The following TASP1 variants were observed in gnomAD, a reference collection of about 807,000 sequenced individuals.
TASP1 encodes the protein taspase 1.
In TASP1, 16 loss-of-function variants were observed where a neutral mutation model predicts 56.6. The observed-to-expected ratio is 0.28, with a 90% CI of 0.19 to 0.43. TASP1 has a LOEUF of 0.43. Ranked by LOEUF, TASP1 falls within the 20% of genes least tolerant of loss-of-function variation. TASP1 has a pLI of 1.00. For synonymous variants in TASP1, 179 were observed against 184.2 expected (o/e 0.97, Z 0.23); for missense variants, 393 against 511.6 (o/e 0.77, Z 2.24).
chr20:13,179,828 G>A, the TASP1 span, among the ~76,000 whole-genome samples: 8 of 152,218 alleles, frequency 5.3e-5, no homozygotes, highest in East Asian at 1.9e-4. Context: ...CTCCAGATAC[G>A]GTTTTTAGGA....
the TASP1 span, among the ~76,000 whole-genome samples, chr20:13,113,092 A>G: frequency 6.6e-6 from 1 of 152,180 alleles, no homozygotes; most frequent in Admixed American, 6.5e-5. Context: ...CTAAGGCACA[A>G]GAATCACTTG....
chr20:13,374,248 T>C, the TASP1 span, among the ~76,000 whole-genome samples: 1 of 152,190 alleles, frequency 6.6e-6, no homozygotes, highest in East Asian at 1.9e-4. Context: ...TCTGAGGAAG[T>C]TTCTGTTGAC....
the TASP1 span, among the ~76,000 whole-genome samples, chr20:13,181,339 C>T: frequency 6.6e-6 from 1 of 152,178 alleles, no homozygotes; most frequent in Non-Finnish European, 1.5e-5. Context: ...CCTTCCCTGG[C>T]CCCCTTTTCC....
chr20:13,561,694 A>G, intron 7 of TASP1, among the ~76,000 whole-genome samples: 1 of 152,208 alleles, frequency 6.6e-6, no homozygotes. Context: ...AAGAAATTAA[A>G]GCATTAAAAC....
the TASP1 span, among the ~76,000 whole-genome samples, chr20:13,117,906 C>T: frequency 4.6e-5 from 7 of 152,134 alleles, no homozygotes; most frequent in South Asian, 2.1e-4. Context: ...AGCTCTCCCT[C>T]GAATAGTGAA....
At chr20:13,613,096 C>T (rs2048403569) in intron 4 of TASP1, among the ~76,000 whole-genome samples, 1 of 152,084 alleles carries the variant, frequency 6.6e-6, no homozygotes, top group Admixed American at 6.5e-5. Flanking sequence ...CTGTGTTAAC[C>T]TTGTTTTCCA....
chr20:13,260,602 GT>G, the TASP1 span, among the ~76,000 whole-genome samples: 11,921 of 145,036 alleles, frequency 0.082, 531 homozygotes, highest in African/African-American at 0.094. Flanking sequence ...ATAAAGTGGA[GT>G]TTTTTTTTTT....
At chr20:13,491,664 T>C (rs900960331) in intron 10 of TASP1, among the ~76,000 whole-genome samples, 2 of 152,124 alleles carry the variant, frequency 1.3e-5, no homozygotes, top group Admixed American at 1.3e-4. Flanking sequence ...TTCCAAAAGG[T>C]AAAAGTAACA....
chr20:13,428,134 G>A (rs527332529), intron 12 of TASP1, among the ~76,000 whole-genome samples: 58 of 152,198 alleles, frequency 3.8e-4, no homozygotes, highest in African/African-American at 1.1e-3. Flanking sequence ...TTTTCTATAT[G>A]GAATCTGTTT....
chr20:13,336,630 A>T, the TASP1 span, among the ~76,000 whole-genome samples: 1 of 152,204 alleles, frequency 6.6e-6, no homozygotes, highest in Non-Finnish European at 1.5e-5. Context: ...CCATCCTAGA[A>T]AGGAAAAAGC....
At chr20:13,434,770 A>G (rs1306075671) in intron 12 of TASP1, among the ~76,000 whole-genome samples, 2 of 152,154 alleles carry the variant, frequency 1.3e-5, no homozygotes, top group East Asian at 3.9e-4. Context: ...GGACATGAAT[A>G]CAGGGTCCAA....
At chr20:13,119,769 A>G in the TASP1 span, among the ~76,000 whole-genome samples, 3 of 152,236 alleles carry the variant, frequency 2.0e-5, no homozygotes, top group Admixed American at 6.5e-5. Context: ...GCCCTAAAAC[A>G]GCAAGATGCA....
At chr20:13,286,792 A>G in the TASP1 span, among the ~76,000 whole-genome samples, 2 of 152,252 alleles carry the variant, frequency 1.3e-5, no homozygotes, top group Admixed American at 6.5e-5. Context: ...CATTTCAGGT[A>G]GAAACATGTG....
At chr20:13,509,733 T>C (rs2044258314) in intron 10 of TASP1, among the ~76,000 whole-genome samples, 1 of 152,144 alleles carries the variant, frequency 6.6e-6, no homozygotes, top group Non-Finnish European at 1.5e-5. Context: ...TTCAAGCGAT[T>C]CTCCTGCCTC....
chr20:13,437,479 A>G (rs1166603429), intron 11 of TASP1, among the ~76,000 whole-genome samples: 4 of 152,194 alleles, frequency 2.6e-5, no homozygotes, highest in African/African-American at 9.7e-5. Context: ...CACCACTTCT[A>G]TTCAACATAG....
At chr20:13,288,345 C>G in the TASP1 span, among the ~76,000 whole-genome samples, 4 of 152,194 alleles carry the variant, frequency 2.6e-5, no homozygotes, top group African/African-American at 9.7e-5. Flanking sequence ...TGCCCAAAAC[C>G]TCCTTGCTGT....
the TASP1 span, among the ~76,000 whole-genome samples, chr20:13,202,660 G>C: frequency 6.6e-6 from 1 of 152,224 alleles, no homozygotes; most frequent in Non-Finnish European, 1.5e-5. Flanking sequence ...TCCCAAACCA[G>C]AATAGGTTGA....
chr20:13,314,236 A>C, the TASP1 span, among the ~76,000 whole-genome samples: 2 of 152,168 alleles, frequency 1.3e-5, no homozygotes, highest in African/African-American at 4.8e-5. Context: ...ATTTCCCTCA[A>C]ATTAATGGCA....
chr20:13,503,161 T>C (rs1175466695), intron 10 of TASP1, among the ~76,000 whole-genome samples: 7 of 152,072 alleles, frequency 4.6e-5, no homozygotes, highest in Non-Finnish European at 8.8e-5. Context: ...AACCACTCCA[T>C]GACTCCTTCA....
Sources: allele counts gnomAD v4.1 joint callset (sites outside exome capture counted in the v4.1 genomes callset), GRCh38; gene constraint gnomAD v4.1.1; transcripts MANE v1.5; gene names NCBI Gene and HGNC (gene_info 2026-07-23, HGNC 2026-07-21).